The following CIMIP2C variants were observed in gnomAD, a reference collection of about 807,000 sequenced individuals.
The protein encoded by CIMIP2C is UPF0573 protein C2orf70.
the CIMIP2C span, among the ~76,000 whole-genome samples, chr2:26,576,746 G>A: frequency 1.3e-3 from 200 of 152,316 alleles, no homozygotes; most frequent in Non-Finnish European, 2.0e-3. Flanking sequence ...GAGTGAGCTC[G>A]AGGAAGGGGA....
At chr2:26,569,878 C>T in the CIMIP2C span, among the ~76,000 whole-genome samples, 2 of 152,190 alleles carry the variant, frequency 1.3e-5, no homozygotes, top group South Asian at 2.1e-4. Context: ...CCCCTCTGTT[C>T]CTCCCTACCT....
chr2:26,571,500 G>T, the CIMIP2C span, among the ~76,000 whole-genome samples: 2 of 152,326 alleles, frequency 1.3e-5, no homozygotes, highest in Admixed American at 6.5e-5. Flanking sequence ...GTGAGGATTG[G>T]GCTTGGGGAA....
At chr2:26,579,380 A>G in the CIMIP2C span, 1 of 1,613,964 alleles carries the variant, frequency 6.2e-7, no homozygotes, top group African/African-American at 1.3e-5. Flanking sequence ...CCATCAGGGA[A>G]GAGGGTCTCT....
At chr2:26,576,057 ACCC>A in the CIMIP2C span, 1 of 1,613,714 alleles carries the variant, frequency 6.2e-7, no homozygotes, top group Non-Finnish European at 8.5e-7. Context: ...TTCTCCACCA[ACCC>A]CAACCTCCTG....
the CIMIP2C span, chr2:26,577,975 T>C: frequency 6.8e-6 from 2 of 294,186 alleles, no homozygotes; most frequent in Non-Finnish European, 1.3e-5. Flanking sequence ...TGGGCGCCGA[T>C]GCAGAGCGCA....
the CIMIP2C span, among the ~76,000 whole-genome samples, chr2:26,567,993 C>A: frequency 6.6e-6 from 1 of 152,144 alleles, no homozygotes; most frequent in African/African-American, 2.4e-5. Context: ...GAAGGGACCT[C>A]CTCGTGTGAA....
At chr2:26,575,856 G>A in the CIMIP2C span, 8 of 1,593,172 alleles carry the variant, frequency 5.0e-6, no homozygotes, top group South Asian at 1.1e-5. Flanking sequence ...CAGGCCTGGG[G>A]CCCTTCACTG....
At chr2:26,563,239 T>C in the CIMIP2C span, 3 of 152,662 alleles carry the variant, frequency 2.0e-5, no homozygotes, top group South Asian at 6.2e-4. Flanking sequence ...GGTCGGTCCT[T>C]TCACAGACCT....
chr2:26,577,944 G>A, the CIMIP2C span: 1 of 380,634 alleles, frequency 2.6e-6, no homozygotes, highest in Non-Finnish European at 4.8e-6. Context: ...AGGCAGCCTG[G>A]CAGCTACACT....
chr2:26,576,812 G>A, the CIMIP2C span, among the ~76,000 whole-genome samples: 1 of 152,218 alleles, frequency 6.6e-6, no homozygotes, highest in Admixed American at 6.5e-5. Flanking sequence ...AAGCCTCCCT[G>A]GATGTGGTTC....
chr2:26,571,143 G>C, the CIMIP2C span, among the ~76,000 whole-genome samples: 1 of 758 alleles, frequency 1.3e-3, no homozygotes, highest in Admixed American at 0.062. Context: ...CCCAGAGGTA[G>C]AGAGGCTGTC....
the CIMIP2C span, among the ~76,000 whole-genome samples, chr2:26,565,740 C>T: frequency 1.4e-4 from 21 of 152,212 alleles, no homozygotes; most frequent in Non-Finnish European, 2.6e-4. Context: ...AGTTAACATG[C>T]GTAAAGCCTG....
At chr2:26,568,409 C>T in the CIMIP2C span, among the ~76,000 whole-genome samples, 1 of 152,220 alleles carries the variant, frequency 6.6e-6, no homozygotes, top group Non-Finnish European at 1.5e-5. Flanking sequence ...CCCTGGAATT[C>T]ACCTCTGAGC....
chr2:26,575,322 G>A, the CIMIP2C span, among the ~76,000 whole-genome samples: 1 of 152,196 alleles, frequency 6.6e-6, no homozygotes. Flanking sequence ...TCACTGACCG[G>A]GCCCCCCACC....
At chr2:26,570,304 G>A in the CIMIP2C span, among the ~76,000 whole-genome samples, 2 of 152,184 alleles carry the variant, frequency 1.3e-5, no homozygotes, top group Non-Finnish European at 2.9e-5. Context: ...CCTGTAGGCG[G>A]GATGCTTCAT....
the CIMIP2C span, among the ~76,000 whole-genome samples, chr2:26,563,881 G>A: frequency 3.3e-5 from 5 of 152,300 alleles, no homozygotes; most frequent in African/African-American, 7.2e-5. Context: ...TTGTGGATGC[G>A]ACCTCTCTCT....
chr2:26,575,978 G>C, the CIMIP2C span: 12 of 1,613,844 alleles, frequency 7.4e-6, no homozygotes, highest in South Asian at 1.3e-4. Context: ...GTACTTCCAG[G>C]ACCACCGCAA....
the CIMIP2C span, among the ~76,000 whole-genome samples, chr2:26,568,005 C>A: frequency 6.6e-6 from 1 of 152,136 alleles, no homozygotes; most frequent in Non-Finnish European, 1.5e-5. Context: ...TCGTGTGAAG[C>A]CTTCTACCTG....
chr2:26,578,943 A>T, the CIMIP2C span: 1 of 483,324 alleles, frequency 2.1e-6, no homozygotes, highest in Non-Finnish European at 4.2e-6. Flanking sequence ...TTGTGTGTTT[A>T]CTCCTTGTCC....
Sources: gnomAD v4.1 joint callset for allele counts (sites outside exome capture counted in the v4.1 genomes callset) on GRCh38, gnomAD v4.1.1 for gene constraint, MANE v1.5 for transcripts, NCBI Gene and HGNC (gene_info 2026-07-23, HGNC 2026-07-21) for gene names.